The following METTL15 variants were observed in gnomAD, a reference collection of about 807,000 sequenced individuals.
METTL15 encodes the protein 12S rRNA N(4)-cytidine methyltransferase METTL15.
METTL15 carries 34 observed loss-of-function variants against 38.3 expected under a neutral mutation model. That is an observed-to-expected ratio of 0.89 (90% confidence interval 0.68 to 1.18). The LOEUF is 1.18. METTL15 is among the 50% of genes most tolerant of loss of function. METTL15 has a pLI of 0.00. For synonymous variants in METTL15, 162 were observed against 170.9 expected (o/e 0.95, Z 0.41); for missense variants, 438 against 498.4 (o/e 0.88, Z 1.15).
At chr11:28,457,340 T>C (rs1462531417) in intron 6 of METTL15, among the ~76,000 whole-genome samples, 2 of 152,152 alleles carry the variant, frequency 1.3e-5, no homozygotes, top group Non-Finnish European at 2.9e-5. Context: ...ATGTTGTTTT[T>C]GTTGTTGTTG....
chr11:28,220,063 G>T (rs138844463), intron 4 of METTL15, among the ~76,000 whole-genome samples: 1,679 of 152,326 alleles, frequency 0.011, 38 homozygotes, highest in African/African-American at 0.038. Flanking sequence ...GAGTTCTGTA[G>T]ATGTCTGTTA....
intron 6 of METTL15, among the ~76,000 whole-genome samples, chr11:28,483,761 A>G (rs748601392): frequency 4.6e-5 from 7 of 152,154 alleles, no homozygotes; most frequent in Non-Finnish European, 7.3e-5. Flanking sequence ...GTAGTTTTCT[A>G]AGGTAGTTTT....
chr11:28,458,487 A>G (rs1341545971), intron 6 of METTL15, among the ~76,000 whole-genome samples: 2 of 152,150 alleles, frequency 1.3e-5, no homozygotes, highest in East Asian at 3.9e-4. Context: ...TCTTCCTCCA[A>G]AGCCTGGAGA....
intron 5 of METTL15, among the ~76,000 whole-genome samples, chr11:28,363,167 CT>C (rs112458012): frequency 2.6e-5 from 4 of 151,646 alleles, no homozygotes; most frequent in African/African-American, 9.7e-5. Context: ...ATGTCTTCTT[CT>C]TTTTTTTATT....
intron 6 of METTL15, among the ~76,000 whole-genome samples, chr11:28,522,801 G>A (rs1851774570): frequency 1.3e-5 from 2 of 152,126 alleles, no homozygotes; most frequent in African/African-American, 2.4e-5. Flanking sequence ...ACATGAGACC[G>A]TGAGATCAGG....
At chr11:28,327,539 TAATA>T (rs1421868427) in intron 6 of METTL15, 2 of 152,758 alleles carry the variant, frequency 1.3e-5, no homozygotes, top group Non-Finnish European at 2.9e-5. Context: ...TATAAAATAC[TAATA>T]AATTATCACT....
intron 5 of METTL15, among the ~76,000 whole-genome samples, chr11:28,386,420 T>G (rs10767719): frequency 0.42 from 64,266 of 151,250 alleles, 15,005 homozygotes; most frequent in Admixed American, 0.54. Flanking sequence ...GAGAACAGGG[T>G]TGATCATACT....
At chr11:28,351,244 TG>T (rs1374247837) in intron 3 of METTL15, among the ~76,000 whole-genome samples, 2 of 152,272 alleles carry the variant, frequency 1.3e-5, no homozygotes, top group African/African-American at 4.8e-5. Context: ...CCTGAGTAGC[TG>T]GGACTACAGG....
At chr11:28,387,153 A>G (rs551953328) in intron 5 of METTL15, among the ~76,000 whole-genome samples, 30 of 152,090 alleles carry the variant, frequency 2.0e-4, no homozygotes, top group African/African-American at 7.0e-4. Context: ...AGAGAAATAG[A>G]AAAAGAACAA....
At chr11:28,363,285 G>A (rs999370415) in intron 5 of METTL15, among the ~76,000 whole-genome samples, 4 of 151,896 alleles carry the variant, frequency 2.6e-5, no homozygotes, top group Admixed American at 2.6e-4. Flanking sequence ...GCGATTATCC[G>A]GCCTCAGCCT....
intron 4 of METTL15, among the ~76,000 whole-genome samples, chr11:28,268,121 C>T (rs1001798446): frequency 1.5e-5 from 2 of 131,814 alleles, no homozygotes; most frequent in Non-Finnish European, 1.5e-5. Context: ...GGCGTGAACC[C>T]GAGAGGCGGA....
chr11:28,225,754 A>G (rs1467128683), intron 4 of METTL15, among the ~76,000 whole-genome samples: 1 of 151,878 alleles, frequency 6.6e-6, no homozygotes, highest in East Asian at 1.9e-4. Flanking sequence ...TTTCATCTAC[A>G]AAGATGACTT....
At chr11:28,524,572 C>T (rs767698485) in intron 6 of METTL15, among the ~76,000 whole-genome samples, 1 of 152,136 alleles carries the variant, frequency 6.6e-6, no homozygotes, top group Non-Finnish European at 1.5e-5. Flanking sequence ...TTAGTATTGC[C>T]TCGATGAGTA....
intron 6 of METTL15, among the ~76,000 whole-genome samples, chr11:28,432,368 A>G (rs1850939707): frequency 6.6e-6 from 1 of 152,226 alleles, no homozygotes; most frequent in South Asian, 2.1e-4. Context: ...GGCTGTAATC[A>G]TTCAACTAAG....
chr11:28,234,987 A>G (rs7925317), intron 4 of METTL15, among the ~76,000 whole-genome samples: 79,554 of 150,190 alleles, frequency 0.53, 22,538 homozygotes, highest in African/African-American at 0.73. Flanking sequence ...TTTGTATAAG[A>G]TGTAAGGAAG....
At chr11:28,396,706 C>T (rs1404740532) in intron 5 of METTL15, among the ~76,000 whole-genome samples, 7 of 152,158 alleles carry the variant, frequency 4.6e-5, no homozygotes, top group Non-Finnish European at 1.0e-4. Flanking sequence ...CATCAAGCTA[C>T]CAATGACTTT....
Position 28,330,762 on chromosome 11 carries a change from T to A in METTL15, c.1145T>A (p.Val382Glu), listed in dbSNP as rs1849792770. 1 of 1,551,628 alleles carries A rather than the reference T, an allele frequency of 6.4e-7. No homozygotes were observed. The highest frequency in any genetic ancestry group is 1.4e-5 in the African/African-American group (1 of 73,030). ...ATGTGGGAATTGATACACAAGAAGG[T>A]ACTTAGTCCACAAGATCAGGATGTA... Reference protein sequence around the residue: ...PLMWELIHKKVLSPQDQDVQD... With the variant: ...PLMWELIHKKELSPQDQDVQD... Residue 382 changes from valine (V) to glutamate (E), a missense_variant, in exon 7 of 7, where the codon GTA becomes GAA. Coordinates refer to ENST00000407364, the MANE Select transcript of METTL15 (RefSeq NM_001113528.2).
At chr11:28,314,106 A>G (rs781382613) in intron 6 of METTL15, among the ~76,000 whole-genome samples, 1 of 152,212 alleles carries the variant, frequency 6.6e-6, no homozygotes, top group African/African-American at 2.4e-5. Context: ...ATTAAAATCC[A>G]TTTGCTATTG....
At chr11:28,121,847 A>G (rs932554800) in intron 3 of METTL15, among the ~76,000 whole-genome samples, 1 of 151,990 alleles carries the variant, frequency 6.6e-6, no homozygotes, top group Non-Finnish European at 1.5e-5. Flanking sequence ...ATATTTTAAG[A>G]GTGGCATGTT....
Sources: allele counts gnomAD v4.1 joint callset (sites outside exome capture counted in the v4.1 genomes callset), GRCh38; gene constraint gnomAD v4.1.1; transcripts MANE v1.5; gene names NCBI Gene and HGNC (gene_info 2026-07-23, HGNC 2026-07-21).